Variants in KCNQ3 observed in about 807,000 individuals in gnomAD.
KCNQ3 encodes potassium voltage-gated channel subfamily KQT member 3.
A neutral mutation model predicts 92.5 loss-of-function variants in KCNQ3; 30 were observed. The ratio of observed to expected loss-of-function variants is 0.32; its 90% confidence interval spans 0.24 to 0.44. KCNQ3 has a LOEUF of 0.44. Among genes scored for constraint, KCNQ3 ranks in the 20% least tolerant of loss-of-function variants. The pLI is 1.00. For missense variants in KCNQ3, 913 were observed against 1,140.3 expected, an observed-to-expected ratio of 0.80 and a Z score of 2.87; for synonymous variants, 450 against 468.8, an observed-to-expected ratio of 0.96 and a Z score of 0.52.
chr8:132,224,210 C>T (rs1262342472), intron 1 of KCNQ3, among the ~76,000 whole-genome samples: 1 of 146,082 alleles, frequency 6.8e-6, no homozygotes, highest in African/African-American at 2.5e-5. Context: ...GTTGGAAATT[C>T]TAGATGTGAG....
chr8:132,307,496 A>T (rs1817462300), intron 1 of KCNQ3, among the ~76,000 whole-genome samples: 1 of 152,214 alleles, frequency 6.6e-6, no homozygotes, highest in Non-Finnish European at 1.5e-5. Flanking sequence ...TGTGTGACTT[A>T]GGCCGAATCA....
At chr8:132,427,221 G>A (rs1393387402) in intron 1 of KCNQ3, among the ~76,000 whole-genome samples, 2 of 152,194 alleles carry the variant, frequency 1.3e-5, no homozygotes, top group East Asian at 1.9e-4. Flanking sequence ...TGATGGCAGA[G>A]GTGCCCTTCT....
chr8:132,361,981 A>C (rs867711671), intron 1 of KCNQ3, among the ~76,000 whole-genome samples: 1 of 152,210 alleles, frequency 6.6e-6, no homozygotes, highest in African/African-American at 2.4e-5. Context: ...TTATGTTAGC[A>C]AATATTAAAT....
chr8:132,464,644 A>G (rs1048767186), intron 1 of KCNQ3, among the ~76,000 whole-genome samples: 2 of 152,224 alleles, frequency 1.3e-5, no homozygotes, highest in African/African-American at 2.4e-5. Flanking sequence ...TTAGAAAACG[A>G]AGGAGGAAGT....
intron 1 of KCNQ3, among the ~76,000 whole-genome samples, chr8:132,197,808 G>A (rs1479012676): frequency 1.3e-5 from 2 of 152,168 alleles, no homozygotes; most frequent in Non-Finnish European, 2.9e-5. Context: ...TTTCATGCCA[G>A]GGTAATAGGT....
In KCNQ3 at chr8:132,138,769, C is replaced by T. The variant is rs769602152; in HGVS notation, c.1569-753G>A. On this transcript the variant is annotated intron_variant, in intron 11 of 14. Transcript: ENST00000388996. ...CCCAGGCCCTTCCATCTGGTGCTTG[C>T]GCAAGTCGTTTTAATGGTGCATTCA... Among the ~76,000 whole-genome samples the T allele has an allele frequency of 1.3e-4, 20 of 152,314 alleles. No individual in the cohort carries two copies. The East Asian group carries it at 1.9e-3, about 15-fold the overall frequency.
chr8:132,232,097 A>G (rs2130376200), intron 1 of KCNQ3, among the ~76,000 whole-genome samples: 1 of 152,346 alleles, frequency 6.6e-6, no homozygotes, highest in East Asian at 1.9e-4. Context: ...TAAGTCCTAG[A>G]CAAATGACTC....
chr8:132,204,138 T>A (rs1813571172), intron 1 of KCNQ3, among the ~76,000 whole-genome samples: 1 of 152,224 alleles, frequency 6.6e-6, no homozygotes, highest in African/African-American at 2.4e-5. Flanking sequence ...ATCTTAGAAC[T>A]GATGAAACGG....
rs535891823 is a variant in KCNQ3, at chr8:132,456,667, G to A, written c.386+23480C>T. Among the ~76,000 whole-genome samples, 3 of 151,670 alleles carry A rather than the reference G, an allele frequency of 2.0e-5. No homozygotes were observed. In the East Asian group the frequency reaches 5.8e-4, roughly 29 times the overall value. ...CTGTCGCCCAGGCTGCAGTGCAGTGGTGCGATCTTGGCAGCTCACTGCAAA... is the reference window on the plus strand; with the variant it reads ...CTGTCGCCCAGGCTGCAGTGCAGTGATGCGATCTTGGCAGCTCACTGCAAA... On this transcript the variant is annotated intron_variant, in intron 1 of 14. Coordinates refer to ENST00000388996, the MANE Select transcript of KCNQ3 (RefSeq NM_004519.4).
chr8:132,194,180 G>T (rs1827241778), intron 1 of KCNQ3, among the ~76,000 whole-genome samples: 1 of 152,188 alleles, frequency 6.6e-6, no homozygotes, highest in Non-Finnish European at 1.5e-5. Context: ...ATTTTTCCTA[G>T]CTAGGTGAAG....
chr8:132,171,799 G>A (rs1268938979), intron 7 of KCNQ3, among the ~76,000 whole-genome samples: 1 of 152,064 alleles, frequency 6.6e-6, no homozygotes, highest in East Asian at 1.9e-4. Context: ...GGAAGTAGAA[G>A]GAGAAGAAAG....
chr8:132,184,760 G>T (rs1218220707), intron 2 of KCNQ3, among the ~76,000 whole-genome samples: 1 of 152,174 alleles, frequency 6.6e-6, no homozygotes, highest in Non-Finnish European at 1.5e-5. Flanking sequence ...ATTCCACCCA[G>T]TGCCTGTACC....
chr8:132,414,289 G>C (rs1167645556), intron 1 of KCNQ3, among the ~76,000 whole-genome samples: 1 of 152,214 alleles, frequency 6.6e-6, no homozygotes, highest in African/African-American at 2.4e-5. Context: ...AGGGCAGAGA[G>C]TCAGGAGGGA....
chr8:132,403,309 G>T (rs1820398551), intron 1 of KCNQ3, among the ~76,000 whole-genome samples: 1 of 152,216 alleles, frequency 6.6e-6, no homozygotes, highest in South Asian at 2.1e-4. Flanking sequence ...GACCCCAGCT[G>T]GTCCCATGGC....
chr8:132,222,983 TA>T (rs1444151872), intron 1 of KCNQ3, among the ~76,000 whole-genome samples: 2 of 152,222 alleles, frequency 1.3e-5, no homozygotes, highest in Admixed American at 1.3e-4. Flanking sequence ...ACAATTTGGC[TA>T]AAGCTATAAT....
intron 1 of KCNQ3, among the ~76,000 whole-genome samples, chr8:132,474,776 A>C (rs1000252849): frequency 1.1e-4 from 16 of 152,090 alleles, no homozygotes; most frequent in African/African-American, 3.9e-4. Flanking sequence ...CAGGGCAGAC[A>C]AGCAGAGATC....
Position 132,448,036 on chromosome 8 carries a change from A to T in KCNQ3, c.386+32111T>A, listed in dbSNP as rs192224320. On this transcript the variant is annotated intron_variant, in intron 1 of 14. Coordinates refer to ENST00000388996, the MANE Select transcript of KCNQ3 (RefSeq NM_004519.4). ...TGTGAGGATTGAAAGAGCACAGGTA[A>T]GCAGCTACAAATGTGCCTGGAAAAT... Among the ~76,000 whole-genome samples the T allele has an allele frequency of 2.5e-4, 38 of 152,290 alleles. 1 individual carries two copies. The highest frequency in any genetic ancestry group is 2.5e-3 in the Admixed American group (38 of 15,290).
intron 1 of KCNQ3, among the ~76,000 whole-genome samples, chr8:132,444,598 T>C (rs1330634526): frequency 6.6e-6 from 1 of 152,176 alleles, no homozygotes; most frequent in African/African-American, 2.4e-5. Context: ...GCCTACTTCA[T>C]AGAGTTGTGC....
At chr8:132,163,362 A>C (rs1826048247) in intron 9 of KCNQ3, 106 bp downstream of exon 9, 1 of 928,744 alleles carries the variant, frequency 1.1e-6, no homozygotes, top group Admixed American at 1.7e-5. Flanking sequence ...CAAAGACTCT[A>C]TCTTGGGACC....
Sources: allele counts gnomAD v4.1 joint callset (sites outside exome capture counted in the v4.1 genomes callset), GRCh38; gene constraint gnomAD v4.1.1; transcripts MANE v1.5; gene names NCBI Gene and HGNC (gene_info 2026-07-23, HGNC 2026-07-21).